Variants in SCAMP2 observed in about 807,000 individuals in gnomAD.
SCAMP2 encodes the protein secretory carrier-associated membrane protein 2.
In SCAMP2, 25 loss-of-function variants were observed where a neutral mutation model predicts 44.1. The observed-to-expected ratio is 0.57, with a 90% confidence interval of 0.41 to 0.79. SCAMP2 has a LOEUF of 0.79. Among genes scored for constraint, SCAMP2 ranks in the 30% least tolerant of loss-of-function variants. SCAMP2 has a pLI of 0.00. For synonymous variants in SCAMP2, 156 were observed against 166.0 expected, an observed-to-expected ratio of 0.94 and a Z score of 0.46; for missense variants, 355 against 411.0, an observed-to-expected ratio of 0.86 and a Z score of 1.18.
chr15:74,853,103 G>A (rs2064445698), intron 3 of SCAMP2: 2 of 293,442 alleles, frequency 6.8e-6, no homozygotes, highest in South Asian at 2.9e-5. Flanking sequence ...TAAGGCTGAC[G>A]TGGAGAGCCA....
intron 1 of SCAMP2, among the ~76,000 whole-genome samples, chr15:74,869,833 G>A (rs1333133214): frequency 6.6e-6 from 1 of 152,058 alleles, no homozygotes; most frequent in African/African-American, 2.4e-5. Context: ...TGAGTCTATC[G>A]CCTCTCCACC....
chr15:74,861,352 T>G (rs892166230), intron 1 of SCAMP2, among the ~76,000 whole-genome samples: 2 of 152,114 alleles, frequency 1.3e-5, no homozygotes, highest in Non-Finnish European at 2.9e-5. Flanking sequence ...TGGGTCCCAG[T>G]GCACAAAGAG....
rs536547373 is a variant in SCAMP2 at position 74,857,809 on chromosome 15, T to C, written c.58-3160A>G. Among the ~76,000 whole-genome samples, 6 of 152,344 alleles carry C rather than the reference T, an allele frequency of 3.9e-5. No homozygotes were observed. In the East Asian group the frequency reaches 1.2e-3, roughly 29 times the overall value. ...CTCCATGATTAAGTTAGAAGCTCCCTGCAGCCATGTGCATCTGTGTCTGGT... is the reference window on the plus strand; with the variant it reads ...CTCCATGATTAAGTTAGAAGCTCCCCGCAGCCATGTGCATCTGTGTCTGGT... On this transcript the variant is annotated intron_variant, in intron 1 of 8. Coordinates refer to ENST00000268099, the MANE Select transcript of SCAMP2 (RefSeq NM_005697.5).
At chr15:74,855,448 A>G (rs113539100) in intron 1 of SCAMP2, among the ~76,000 whole-genome samples, 3,381 of 151,920 alleles carry the variant, frequency 0.022, 134 homozygotes, top group African/African-American at 0.078. Flanking sequence ...CGGGTGCAGT[A>G]GCTCATGCCT....
chr15:74,862,893 CACACAT>C (rs1252099831), intron 1 of SCAMP2, among the ~76,000 whole-genome samples: 108 of 141,008 alleles, frequency 7.7e-4, no homozygotes, highest in African/African-American at 3.0e-3. Flanking sequence ...CACACACACA[CACACAT>C]ATTTTTAAAA....
rs1237015952 is a variant in SCAMP2 at position 74,862,282 on chromosome 15, AAAAAAAAT to A, written c.58-7641_58-7634del. On this transcript the variant is annotated intron_variant, in intron 1 of 8. Coordinates refer to ENST00000268099, the MANE Select transcript of SCAMP2 (RefSeq NM_005697.5). ...TGTCTCCAAAAAAAAAAAAAAAAAA[AAAAAAAAT>A]TCCTGGCCAGGTGCAATGGCTCACA... Among the ~76,000 whole-genome samples the A allele has an allele frequency of 8.4e-4, 111 of 132,188 alleles. 16 individuals are homozygous for A. The highest frequency in any genetic ancestry group is 1.3e-3 in the Non-Finnish European group (83 of 65,254). The allele number at this position is 132,188 out of a possible 152,430, so 86.7% of individuals were successfully genotyped here. A position where few individuals can be genotyped will look rare whatever the true frequency, so the allele number is the denominator to read the frequency against.
rs2064385541 is a variant in SCAMP2 at position 74,844,984 on chromosome 15, T to C, written c.*99A>G. ...GAGCCACGGCAAGAACCCTGCCAGG[T>C]CTGTGCTGGGCACAACCACCACCAC... On this transcript the variant is annotated 3_prime_UTR_variant, in exon 9 of 9. Transcript: ENST00000268099. The C allele has an allele frequency of 7.2e-7, 1 of 1,392,314 alleles. No homozygotes were observed. The highest frequency in any genetic ancestry group is 9.8e-7 in the Non-Finnish European group (1 of 1,015,824). 86.2% of individuals were successfully genotyped at this position (1,392,314 alleles called of 1,614,324 possible).
chr15:74,852,190 G>C lies in SCAMP2; in HGVS notation c.226-4C>G. On this transcript the variant is annotated splice_polypyrimidine_tract_variant and splice_region_variant and intron_variant, in intron 3 of 8. Coordinates refer to ENST00000268099, the MANE Select transcript of SCAMP2 (RefSeq NM_005697.5). Reference sequence around the variant, plus strand: ...CCTGGGCTGCAGACACCACGGCCTGGAGAGAACAGGGGAGGTACAGGGACA... The same window carrying C: ...CCTGGGCTGCAGACACCACGGCCTGCAGAGAACAGGGGAGGTACAGGGACA... 9 of 1,513,206 alleles carry C rather than the reference G, an allele frequency of 5.9e-6. No individual in the cohort carries two copies. The highest frequency in any genetic ancestry group is 8.0e-6 in the Non-Finnish European group (9 of 1,130,054). 93.7% of individuals were successfully genotyped at this position (1,513,206 alleles called of 1,614,324 possible). A position where few individuals can be genotyped will look rare whatever the true frequency, so the allele number is the denominator to read the frequency against.
intron 7 of SCAMP2, chr15:74,848,362 C>A: frequency 2.7e-6 from 1 of 368,228 alleles, no homozygotes; most frequent in African/African-American, 2.1e-5. Context: ...GCCACTGCAC[C>A]TGACCAATAG....
rs1485379427 is a variant in SCAMP2, at chr15:74,854,607, G to A, written c.100C>T (p.Leu34=). The part of the protein sequence containing the change: ...TQLTNAPQGG[L]AEFNPFSETN... Reference sequence around the variant, plus strand: ...TCTGAGAAGGGGTTGAATTCCGCCAGGCCGCCCTGCGGGGCGTTGGTCAGC... The same window carrying A: ...TCTGAGAAGGGGTTGAATTCCGCCAAGCCGCCCTGCGGGGCGTTGGTCAGC... Residue 34 remains leucine, a synonymous_variant, in exon 2 of 9, where the codon CTG becomes TTG. Coordinates refer to ENST00000268099, the MANE Select transcript of SCAMP2 (RefSeq NM_005697.5). 3.7e-6 allele frequency: 6 copies of A among 1,607,850 alleles called. No homozygotes were observed. The Admixed American group carries it at 1.0e-4, about 27-fold the overall frequency.
intron 1 of SCAMP2, 32 bp from the exon 2 acceptor site, chr15:74,854,681 G>C (rs1178999636): frequency 6.3e-7 from 1 of 1,582,240 alleles, no homozygotes; most frequent in Non-Finnish European, 8.6e-7. Context: ...CTTAGACACA[G>C]TGGAGAAAAT....
chr15:74,865,583 T>G (rs1000423999), intron 1 of SCAMP2, among the ~76,000 whole-genome samples: 1 of 151,292 alleles, frequency 6.6e-6, no homozygotes, highest in African/African-American at 2.4e-5. Flanking sequence ...GAGTTTGAAA[T>G]AGTGGTCTGA....
intron 4 of SCAMP2, 63 bp from the exon 5 acceptor site, chr15:74,851,544 T>C: frequency 6.2e-7 from 1 of 1,600,234 alleles, no homozygotes; most frequent in South Asian, 1.1e-5. Flanking sequence ...TCAAGGTGCA[T>C]GCACGCCAGC....
At chr15:74,864,435 G>T (rs116736127) in intron 1 of SCAMP2, among the ~76,000 whole-genome samples, 9,132 of 152,236 alleles carry the variant, frequency 0.06, 898 homozygotes, top group African/African-American at 0.21. Flanking sequence ...TGTGTGGAGA[G>T]AAGAGTCTGG....
chr15:74,844,491 G>A lies in SCAMP2; in HGVS notation c.*592C>T, dbSNP rs1457982346. 2 of 152,370 alleles carry A rather than the reference G, an allele frequency of 1.3e-5. No homozygotes were observed. The highest frequency in any genetic ancestry group is 2.9e-5 in the Non-Finnish European group (2 of 68,156). 9.4% of individuals were successfully genotyped at this position (152,370 alleles called of 1,614,324 possible). The stretch of plus-strand genomic sequence containing the variant: ...TTTCTCAGGAACACGAGGCAGGGAA[G>A]AGCTTAAGGCAACCAGCCTTCTCTG... On this transcript the variant is annotated 3_prime_UTR_variant, in exon 9 of 9. Transcript: ENST00000268099.
At chr15:74,852,446 G>A in intron 3 of SCAMP2, 1 of 350,654 alleles carries the variant, frequency 2.9e-6, no homozygotes, top group East Asian at 4.3e-5. Context: ...AGCTTGAGTT[G>A]GGAAAACTAC....
intron 1 of SCAMP2, among the ~76,000 whole-genome samples, chr15:74,859,449 G>A (rs1242618489): frequency 1.3e-5 from 2 of 152,046 alleles, no homozygotes; most frequent in South Asian, 2.1e-4. Context: ...TTCAAGAAAG[G>A]CCAGGTTGTA....
chr15:74,849,420 C>G (rs1045323177), intron 6 of SCAMP2, among the ~76,000 whole-genome samples: 2 of 151,934 alleles, frequency 1.3e-5, no homozygotes, highest in Non-Finnish European at 2.9e-5. Context: ...TGCACTCCAG[C>G]CTGGGTAACA....
At chr15:74,845,674 G>A (rs2064394837) in intron 7 of SCAMP2, 81 bp from the exon 8 acceptor site, 1 of 1,549,378 alleles carries the variant, frequency 6.5e-7, no homozygotes, top group South Asian at 1.2e-5. Context: ...TCTCCAAGTG[G>A]CTGCTGTGTC....
Sources: gnomAD v4.1 joint callset for allele counts (sites outside exome capture counted in the v4.1 genomes callset) on GRCh38, gnomAD v4.1.1 for gene constraint, MANE v1.5 for transcripts, NCBI Gene and HGNC (gene_info 2026-07-23, HGNC 2026-07-21) for gene names.